NRXN3: variants seen among roughly 807,000 people sequenced by gnomAD.
NRXN3 encodes the protein neurexin 3.
NRXN3 carries 32 observed loss-of-function variants against 137.6 expected under a neutral mutation model. The ratio of observed to expected loss-of-function variants is 0.23; its 90% CI spans 0.18 to 0.31. NRXN3 has a LOEUF of 0.31. Among genes scored for constraint, NRXN3 ranks in the 10% least tolerant of loss-of-function variants. NRXN3 has a pLI of 1.00. For synonymous variants in NRXN3, 798 were observed against 784.5 expected (o/e 1.02, Z -0.29); for missense variants, 1,574 against 2,062.5 (o/e 0.76, Z 4.59).
At chr14:78,760,534 A>G (rs1335257300) in intron 8 of NRXN3, among the ~76,000 whole-genome samples, 1 of 149,352 alleles carries the variant, frequency 6.7e-6, no homozygotes. Flanking sequence ...TGATGAAGAG[A>G]TACCAATGAT....
In NRXN3 at chr14:79,754,445, G is replaced by T. The variant is rs1314148193; in HGVS notation, c.4015-50667G>T. 1.5e-4 allele frequency among the ~76,000 whole-genome samples: 21 copies of T among 144,648 alleles called. No individual in the cohort carries two copies. In the Admixed American group the frequency reaches 1.5e-3, roughly 10 times the overall value. 94.9% of individuals were successfully genotyped at this position (144,648 alleles called of 152,430 possible). A position where few individuals can be genotyped will look rare whatever the true frequency, so the allele number is the denominator to read the frequency against. On this transcript the variant is annotated intron_variant, in intron 19 of 20. Transcript: ENST00000335750. The stretch of plus-strand genomic sequence containing the variant: ...ATCTCCAGATTTTGTATCCACAGGG[G>T]TCCTGGAATCAATCCCCTTGATGGA...
At chr14:79,702,057 T>A (rs552855829) in intron 19 of NRXN3, among the ~76,000 whole-genome samples, 45 of 151,820 alleles carry the variant, frequency 3.0e-4, no homozygotes, top group African/African-American at 1.0e-3. Flanking sequence ...TAGTTTAGAG[T>A]AAGGGCTAGG....
At chr14:79,491,951 C>A (rs1381624685) in intron 16 of NRXN3, among the ~76,000 whole-genome samples, 1 of 152,148 alleles carries the variant, frequency 6.6e-6, no homozygotes, top group African/African-American at 2.4e-5. Context: ...ACAAACATAA[C>A]CAACTGGCAA....
intron 4 of NRXN3, among the ~76,000 whole-genome samples, chr14:78,311,777 A>G (rs1052068772): frequency 2.6e-5 from 4 of 151,956 alleles, no homozygotes; most frequent in African/African-American, 9.7e-5. Context: ...ATTTCCTTGT[A>G]TTACTTGATG....
At chr14:78,914,871 T>C in intron 10 of NRXN3, among the ~76,000 whole-genome samples, 1 of 152,064 alleles carries the variant, frequency 6.6e-6, no homozygotes, top group South Asian at 2.1e-4. Flanking sequence ...GAACATCATT[T>C]GGGAGTGGTT....
intron 20 of NRXN3, among the ~76,000 whole-genome samples, chr14:79,825,682 A>G (rs992120981): frequency 2.6e-5 from 4 of 151,780 alleles, no homozygotes; most frequent in Non-Finnish European, 5.9e-5. Flanking sequence ...TAAACTGACT[A>G]CTCTCTGAAT....
chr14:79,066,573 G>A (rs1431862433), intron 15 of NRXN3, among the ~76,000 whole-genome samples: 1 of 151,978 alleles, frequency 6.6e-6, no homozygotes, highest in Non-Finnish European at 1.5e-5. Flanking sequence ...AAATTACTTT[G>A]GGCAGTATGG....
At chr14:78,284,918 A>G (rs548143248) in intron 3 of NRXN3, among the ~76,000 whole-genome samples, 1 of 152,366 alleles carries the variant, frequency 6.6e-6, no homozygotes, top group Non-Finnish European at 1.5e-5. Flanking sequence ...CCAATGAAGA[A>G]CCTTGAGCTC....
intron 10 of NRXN3, among the ~76,000 whole-genome samples, chr14:78,817,703 G>A (rs1358761047): frequency 2.0e-5 from 3 of 152,028 alleles, no homozygotes; most frequent in African/African-American, 7.2e-5. Flanking sequence ...AAAGAATATA[G>A]ACTCTTTTTA....
rs144037975 is a variant in NRXN3 at position 78,374,534 on chromosome 14, A to G, written c.757+76674A>G. Reference sequence around the variant, plus strand: ...ACACCTGTAATCCCAGCACTTTGGGAGGCTGAGGCAGGTGGATCACTTGAG... The same window carrying G: ...ACACCTGTAATCCCAGCACTTTGGGGGGCTGAGGCAGGTGGATCACTTGAG... On this transcript the variant is annotated intron_variant, in intron 4 of 20. Transcript: ENST00000335750. 1.6e-3 allele frequency among the ~76,000 whole-genome samples: 239 copies of G among 152,228 alleles called. 1 individual carries two copies. Among genetic ancestry groups the G allele is most frequent in the Non-Finnish European group, 2.9e-3 (198 of 68,000 alleles).
At chr14:78,923,117 A>G (rs1398678790) in intron 10 of NRXN3, among the ~76,000 whole-genome samples, 2 of 152,086 alleles carry the variant, frequency 1.3e-5, no homozygotes, top group African/African-American at 2.4e-5. Flanking sequence ...GGATCTCTTC[A>G]AAGGAATAGC....
chr14:79,398,158 C>T (rs2095080786), intron 15 of NRXN3, among the ~76,000 whole-genome samples: 1 of 152,144 alleles, frequency 6.6e-6, no homozygotes, highest in South Asian at 2.1e-4. Flanking sequence ...AACTCCAATC[C>T]TACATGAATG....
intron 4 of NRXN3, among the ~76,000 whole-genome samples, chr14:78,571,898 T>C (rs1389166882): frequency 2.0e-5 from 3 of 152,090 alleles, no homozygotes; most frequent in Non-Finnish European, 4.4e-5. Context: ...AACCCTGTGA[T>C]TTCAAGGGTT....
intron 15 of NRXN3, among the ~76,000 whole-genome samples, chr14:79,442,966 G>A (rs1463958889): frequency 4.6e-5 from 7 of 152,170 alleles, no homozygotes; most frequent in Non-Finnish European, 1.0e-4. Context: ...AAATGAGCCG[G>A]CGAGGCCAAA....
At chr14:79,097,293 G>A (rs774778549) in intron 15 of NRXN3, among the ~76,000 whole-genome samples, 3 of 152,116 alleles carry the variant, frequency 2.0e-5, no homozygotes, top group African/African-American at 7.2e-5. Flanking sequence ...TTTGAGAAAA[G>A]CTAGCCTACT....
intron 15 of NRXN3, among the ~76,000 whole-genome samples, chr14:79,108,964 G>A (rs2052972538): frequency 6.6e-6 from 1 of 152,158 alleles, no homozygotes; most frequent in African/African-American, 2.4e-5. Context: ...CAGCATTGGA[G>A]CACTCATTTC....
intron 16 of NRXN3, chr14:79,611,762 A>G (rs1219274159): frequency 6.6e-6 from 1 of 152,238 alleles, no homozygotes; most frequent in Non-Finnish European, 1.5e-5. Context: ...ATGTGCACTC[A>G]CATTGCCTGT....
intron 10 of NRXN3, among the ~76,000 whole-genome samples, chr14:78,908,570 A>G (rs1419869984): frequency 6.6e-6 from 1 of 152,092 alleles, no homozygotes; most frequent in South Asian, 2.1e-4. Context: ...GAGGTCTTCA[A>G]AAAGTTCCTG....
At chr14:78,727,548 G>C (rs2098491502) in intron 8 of NRXN3, among the ~76,000 whole-genome samples, 1 of 152,134 alleles carries the variant, frequency 6.6e-6, no homozygotes, top group African/African-American at 2.4e-5. Flanking sequence ...TTCAAGACCA[G>C]CCTGACCAAC....
Sources: allele counts gnomAD v4.1 joint callset (sites outside exome capture counted in the v4.1 genomes callset), GRCh38; gene constraint gnomAD v4.1.1; transcripts MANE v1.5; gene names NCBI Gene and HGNC (gene_info 2026-07-23, HGNC 2026-07-21).